OTUD7A: variants seen among roughly 807,000 people sequenced by gnomAD.
The protein encoded by OTUD7A is OTU domain-containing protein 7A.
Under a neutral mutation model 65.7 loss-of-function variants are expected in OTUD7A, and 12 were observed. The observed-to-expected ratio is 0.18, with a 90% confidence interval of 0.12 to 0.30. OTUD7A has a LOEUF of 0.30. Among genes scored for constraint, OTUD7A ranks in the 10% least tolerant of loss-of-function variants. OTUD7A has a pLI of 1.00. For missense variants in OTUD7A, 1,148 were observed against 1,304.8 expected (o/e 0.88, Z 1.85); for synonymous variants, 641 against 586.3 (o/e 1.09, Z -1.35).
intron 5 of OTUD7A, among the ~76,000 whole-genome samples, chr15:31,543,710 A>C (rs540555278): frequency 3.3e-5 from 5 of 151,916 alleles, no homozygotes; most frequent in Non-Finnish European, 7.4e-5. Context: ...AAATCAGTTT[A>C]ATTGCTGTAT....
chr15:31,644,561 G>C (rs71401628), intron 3 of OTUD7A, among the ~76,000 whole-genome samples: 40,281 of 151,756 alleles, frequency 0.27, 5,959 homozygotes, highest in African/African-American at 0.39. Flanking sequence ...CCATAACCTC[G>C]AACTCTTGGG....
intron 4 of OTUD7A, among the ~76,000 whole-genome samples, chr15:31,566,052 C>T (rs367650711): frequency 4.9e-4 from 75 of 152,012 alleles, no homozygotes; most frequent in African/African-American, 1.6e-3. Flanking sequence ...ATTAGCTAGG[C>T]GTGGTGGCGG....
At chr15:31,497,772 A>G (rs2041410424) in intron 10 of OTUD7A, among the ~76,000 whole-genome samples, 1 of 152,216 alleles carries the variant, frequency 6.6e-6, no homozygotes, top group African/African-American at 2.4e-5. Flanking sequence ...AAGCCTCGCC[A>G]TCCACCCTCC....
At chr15:31,840,951 G>T (rs1897169272) in intron 1 of OTUD7A, among the ~76,000 whole-genome samples, 1 of 152,120 alleles carries the variant, frequency 6.6e-6, no homozygotes, top group Non-Finnish European at 1.5e-5. Context: ...ACGCTGGGAG[G>T]GCTTCTGACA....
chr15:31,500,051 G>A (rs1179724190), intron 10 of OTUD7A, among the ~76,000 whole-genome samples: 1 of 152,188 alleles, frequency 6.6e-6, no homozygotes, highest in African/African-American at 2.4e-5. Flanking sequence ...CCCCATGCTC[G>A]GAACTGGGAG....
chr15:31,709,823 T>C (rs182046731), intron 1 of OTUD7A, among the ~76,000 whole-genome samples: 16 of 152,296 alleles, frequency 1.1e-4, no homozygotes, highest in African/African-American at 2.4e-4. Flanking sequence ...TATATATATA[T>C]ACACACACAT....
chr15:31,735,312 G>A (rs1195241777), intron 1 of OTUD7A, among the ~76,000 whole-genome samples: 1 of 152,118 alleles, frequency 6.6e-6, no homozygotes, highest in African/African-American at 2.4e-5. Context: ...GATCACCTGA[G>A]GTCAGGGGTT....
chr15:31,795,862 A>C (rs1167062532), intron 1 of OTUD7A, among the ~76,000 whole-genome samples: 2 of 152,168 alleles, frequency 1.3e-5, no homozygotes, highest in African/African-American at 4.8e-5. Flanking sequence ...AGGGCAAAGA[A>C]AGACAGCACA....
At chr15:31,517,258 A>C (rs2041872457) in intron 8 of OTUD7A, among the ~76,000 whole-genome samples, 1 of 152,158 alleles carries the variant, frequency 6.6e-6, no homozygotes, top group Non-Finnish European at 1.5e-5. Context: ...CTGGAACTCC[A>C]ATTTAGCTGG....
chr15:31,710,244 G>A (rs1002195688), intron 1 of OTUD7A, among the ~76,000 whole-genome samples: 46 of 149,522 alleles, frequency 3.1e-4, no homozygotes, highest in African/African-American at 1.1e-3. Flanking sequence ...TCAGAAAAAC[G>A]TAGATATTAA....
chr15:31,848,918 A>T (rs555958723), intron 1 of OTUD7A, among the ~76,000 whole-genome samples: 29 of 152,316 alleles, frequency 1.9e-4, no homozygotes, highest in African/African-American at 7.0e-4. Flanking sequence ...TTCCAACTTC[A>T]GAGTTAGAAA....
chr15:31,683,453 A>C (rs1236070552), intron 1 of OTUD7A, among the ~76,000 whole-genome samples: 6 of 152,160 alleles, frequency 3.9e-5, no homozygotes, highest in African/African-American at 1.4e-4. Context: ...ATAAATACAA[A>C]TCCATGCAGG....
chr15:31,520,332 C>T (rs942864263), intron 8 of OTUD7A, among the ~76,000 whole-genome samples: 2 of 151,580 alleles, frequency 1.3e-5, no homozygotes, highest in Non-Finnish European at 2.9e-5. Context: ...TAAATGAAGC[C>T]ACATACTTAT....
intron 1 of OTUD7A, among the ~76,000 whole-genome samples, chr15:31,812,068 CT>C (rs1179477254): frequency 6.6e-6 from 1 of 152,214 alleles, no homozygotes; most frequent in Non-Finnish European, 1.5e-5. Flanking sequence ...GCCTTCTGCA[CT>C]GGTGGAAGCA....
intron 1 of OTUD7A, chr15:31,766,234 C>T (rs563734069): frequency 6.7e-5 from 104 of 1,544,820 alleles, no homozygotes; most frequent in Admixed American, 4.7e-4. Context: ...CATTGAGAAA[C>T]GGTATGTATC....
At chr15:31,686,855 T>C (rs1208215314) in intron 1 of OTUD7A, among the ~76,000 whole-genome samples, 1 of 152,214 alleles carries the variant, frequency 6.6e-6, no homozygotes, top group Non-Finnish European at 1.5e-5. Context: ...CCAGCTCTCA[T>C]CTGCTTTTAA....
chr15:31,798,976 G>A (rs763063859), intron 1 of OTUD7A, among the ~76,000 whole-genome samples: 4 of 152,208 alleles, frequency 2.6e-5, no homozygotes, highest in Non-Finnish European at 5.9e-5. Context: ...ACTGGAAGAG[G>A]GGTCACAGGC....
At chr15:31,556,771 G>C (rs1888509925) in intron 5 of OTUD7A, 1 of 152,232 alleles carries the variant, frequency 6.6e-6, no homozygotes, top group Non-Finnish European at 1.5e-5. Flanking sequence ...ATTCAACAGA[G>C]AGTAACCCAT....
chr15:31,802,213 T>C (rs1896151538), intron 1 of OTUD7A, among the ~76,000 whole-genome samples: 1 of 151,660 alleles, frequency 6.6e-6, no homozygotes, highest in Admixed American at 6.6e-5. Flanking sequence ...CAATAGGCCG[T>C]CTGCAGGCTG....
Sources: allele counts gnomAD v4.1 joint callset (sites outside exome capture counted in the v4.1 genomes callset), GRCh38; gene constraint gnomAD v4.1.1; transcripts MANE v1.5; gene names NCBI Gene and HGNC (gene_info 2026-07-23, HGNC 2026-07-21).